Variants in REV1 observed in about 807,000 individuals in gnomAD.
The protein encoded by REV1 is REV1 DNA directed polymerase.
REV1 carries 42 observed loss-of-function variants against 137.4 expected under a neutral mutation model. That is an observed-to-expected ratio of 0.31 (90% CI 0.24 to 0.40). The LOEUF (loss-of-function observed/expected upper bound fraction) is 0.40, where lower values mean the gene tolerates loss of function less well. REV1 is among the 10% of genes least tolerant of loss of function. The probability of loss-of-function intolerance (pLI) is 1.00; values close to 1 mark genes in which losing one functional copy is unlikely to be tolerated. For synonymous variants in REV1, 524 were observed against 519.2 expected (o/e 1.01, Z -0.12); for missense variants, 1,282 against 1,490.1 (o/e 0.86, Z 2.30).
At chr2:99,466,145 G>A (rs1035150994) in intron 1 of REV1, among the ~76,000 whole-genome samples, 14 of 152,138 alleles carry the variant, frequency 9.2e-5, no homozygotes, top group Admixed American at 7.9e-4. Context: ...TAGAGACGGC[G>A]TTTCACCATG....
chr2:99,439,769 T>C (rs771340591), intron 5 of REV1, among the ~76,000 whole-genome samples: 3 of 152,214 alleles, frequency 2.0e-5, no homozygotes, highest in Non-Finnish European at 4.4e-5. Context: ...TCAATAAATA[T>C]CTGCTGAATT....
At chr2:99,425,277 A>G (rs1410715626) in intron 9 of REV1, among the ~76,000 whole-genome samples, 1 of 152,190 alleles carries the variant, frequency 6.6e-6, no homozygotes, top group African/African-American at 2.4e-5. Flanking sequence ...GAGTCCTCCA[A>G]GTTACTCAGC....
At chr2:99,404,331 C>CCCGG in intron 18 of REV1, 113 bp downstream of exon 18, 4 of 823,954 alleles carry the variant, frequency 4.9e-6, no homozygotes, top group East Asian at 2.6e-5. Flanking sequence ...CTCCCCTCCC[C>CCCGG]AGTGGATGTG....
At chr2:99,459,116 G>A (rs894374929) in intron 3 of REV1, among the ~76,000 whole-genome samples, 2 of 151,980 alleles carry the variant, frequency 1.3e-5, no homozygotes, top group Admixed American at 6.6e-5. Flanking sequence ...GCTGAGGCAG[G>A]AGAATGGTGT....
At position 99,431,962 on chromosome 2, in the gene REV1, G is replaced by A. The variant is rs1358501644; in HGVS notation, c.1439-2014C>T. 3 of 908,326 alleles carry A rather than the reference G, an allele frequency of 3.3e-6. No homozygotes were observed. In the African/African-American group the frequency reaches 5.4e-5, roughly 16 times the overall value. The allele number at this position is 908,326 out of a possible 1,614,324, so 56.3% of individuals were successfully genotyped here. On this transcript the variant is annotated intron_variant, in intron 8 of 22. Transcript: ENST00000258428. Reference sequence around the variant, plus strand: ...AAGTCTGTGAAAAAGAAATCGCTGAGAATAAATCTATGACTAATACGATTT... The same window carrying A: ...AAGTCTGTGAAAAAGAAATCGCTGAAAATAAATCTATGACTAATACGATTT...
intron 1 of REV1, among the ~76,000 whole-genome samples, chr2:99,470,077 C>T (rs1298727847): frequency 6.6e-6 from 1 of 150,988 alleles, no homozygotes; most frequent in Non-Finnish European, 1.5e-5. Context: ...GCCGAGATTG[C>T]ACCACTGCAC....
intron 9 of REV1, among the ~76,000 whole-genome samples, chr2:99,429,015 T>G (rs904217494): frequency 4.1e-5 from 6 of 146,506 alleles, no homozygotes; most frequent in Non-Finnish European, 9.0e-5. Flanking sequence ...AAAAAAAAGA[T>G]GTAACTGATC....
chr2:99,433,209 C>T (rs924240870), intron 8 of REV1, among the ~76,000 whole-genome samples: 1 of 152,148 alleles, frequency 6.6e-6, no homozygotes, highest in African/African-American at 2.4e-5. Context: ...AAAAACCATA[C>T]TACCAATACC....
intron 1 of REV1, among the ~76,000 whole-genome samples, chr2:99,479,753 G>A (rs1686405987): frequency 1.3e-5 from 2 of 150,070 alleles, no homozygotes; most frequent in South Asian, 4.2e-4. Flanking sequence ...CTTGGCCTGG[G>A]AGACAGAACA....
Position 99,488,288 on chromosome 2 carries a change from A to C in REV1, c.-11+1529T>G, listed in dbSNP as rs985185039. On this transcript the variant is annotated intron_variant, in intron 1 of 22. Transcript: ENST00000258428. ...GAAGTTGGAAATGTAGTGATCTTATATATTCAAGCACATTATTTTTTAAAA... is the reference window on the plus strand; with the variant it reads ...GAAGTTGGAAATGTAGTGATCTTATCTATTCAAGCACATTATTTTTTAAAA... Among the ~76,000 whole-genome samples, 2 of 119,466 alleles carry C rather than the reference A, an allele frequency of 1.7e-5. 1 individual carries two copies. Among genetic ancestry groups the C allele is most frequent in the Non-Finnish European group, 3.7e-5 (2 of 54,746 alleles). The allele number at this position is 119,466 out of a possible 152,430, so 78.4% of individuals were successfully genotyped here.
chr2:99,407,080 C>CTTTT (rs869170472), intron 15 of REV1, among the ~76,000 whole-genome samples: 958 of 60,022 alleles, frequency 0.016, 262 homozygotes, highest in African/African-American at 0.039. Context: ...TACAAAGGTT[C>CTTTT]TTTTTTTTTT....
chr2:99,421,782 G>T, intron 10 of REV1, 129 bp from the exon 11 acceptor site: 1 of 1,005,990 alleles, frequency 9.9e-7, no homozygotes, highest in Non-Finnish European at 1.4e-6. Flanking sequence ...TGAATTGGCT[G>T]AAGTACCATT....
intron 9 of REV1, among the ~76,000 whole-genome samples, chr2:99,428,991 CAAA>C (rs762850171): frequency 6.3e-5 from 4 of 63,818 alleles, no homozygotes; most frequent in Non-Finnish European, 6.3e-5. Context: ...GACTCCGTCT[CAAA>C]AAAAAAAAAA....
At chr2:99,469,643 C>T (rs1685183483) in intron 1 of REV1, among the ~76,000 whole-genome samples, 1 of 152,164 alleles carries the variant, frequency 6.6e-6, no homozygotes, top group South Asian at 2.1e-4. Flanking sequence ...ATGTTCAAAA[C>T]TCTATCAAGA....
At chr2:99,433,671 A>T (rs1310166903) in intron 8 of REV1, among the ~76,000 whole-genome samples, 1 of 152,210 alleles carries the variant, frequency 6.6e-6, no homozygotes, top group Non-Finnish European at 1.5e-5. Context: ...AATTTTAAAA[A>T]TTCTCTTTGG....
At chr2:99,442,249 T>G in intron 5 of REV1, 68 bp downstream of exon 5, 1 of 936,228 alleles carries the variant, frequency 1.1e-6, no homozygotes, top group Non-Finnish European at 1.4e-6. Flanking sequence ...CAAAACTCCA[T>G]CTCAAAAAAA....
rs1391905972 is a variant in REV1, at chr2:99,406,331, T to G, written c.2608A>C (p.Lys870Gln). ...CACATTGATGACCACCAACCTTCTT[T>G]GTGCTCCTCTTCGGTGGATTTCTTA... ...KAKKSTEEEH[K>Q]EVFRAAVDLE... The change falls in exon 16 of 23, where the codon AAA (lysine) becomes CAA (glutamine). Residue 870 changes from lysine (K) to glutamine (Q), a missense_variant. Around this residue, in one of 7 missense-constraint regions of REV1, gnomAD observed 372 missense variants for 482.3 expected, o/e 0.77. Coordinates refer to ENST00000258428, the MANE Select transcript of REV1 (RefSeq NM_016316.4). The G allele has an allele frequency of 6.2e-7, 1 of 1,611,060 alleles. No homozygotes were observed. Among genetic ancestry groups the G allele is most frequent in the Admixed American group, 1.7e-5 (1 of 59,648 alleles).
At chr2:99,407,634 G>T (rs1459815302) in intron 15 of REV1, among the ~76,000 whole-genome samples, 6 of 151,888 alleles carry the variant, frequency 4.0e-5, no homozygotes, top group African/African-American at 1.5e-4. Flanking sequence ...TGATGTGCCT[G>T]TGGTTTCACT....
At chr2:99,451,525 A>G (rs1682918548) in intron 3 of REV1, 1 of 1,288,560 alleles carries the variant, frequency 7.8e-7, no homozygotes, top group Middle Eastern at 2.1e-4. Context: ...AAGATCACAT[A>G]AACTATGGAA....
Sources: allele counts gnomAD v4.1 joint callset (sites outside exome capture counted in the v4.1 genomes callset), GRCh38; gene constraint gnomAD v4.1.1; regional missense constraint gnomAD v4.1.1; transcripts MANE v1.5; gene names NCBI Gene and HGNC (gene_info 2026-07-23, HGNC 2026-07-21).